CCNY: variants seen among roughly 807,000 people sequenced by gnomAD.
CCNY encodes the protein cyclin-Y.
A neutral mutation model predicts 42.8 loss-of-function variants in CCNY; 19 were observed. The observed-to-expected ratio is 0.44, with a 90% CI of 0.31 to 0.65. The LOEUF (loss-of-function observed/expected upper bound fraction) is 0.65. Among genes scored for constraint, CCNY ranks in the 30% least tolerant of loss-of-function variants. The pLI, the probability that CCNY is intolerant of heterozygous loss-of-function variation, is 0.07. For missense variants in CCNY, 370 were observed against 437.3 expected, an observed-to-expected ratio of 0.85 and a Z score of 1.37; for synonymous variants, 165 against 162.7, an observed-to-expected ratio of 1.01 and a Z score of -0.11.
chr10:35,519,776 C>CTTTTTTTTTTTTTTTTTTTTTT lies in CCNY; in HGVS notation c.365+3157_365+3178dup, dbSNP rs1177122335. On this transcript the variant is annotated intron_variant, in intron 4 of 9. Transcript: ENST00000374704. ...AAGTATCTTCTTTTTCTTTTCTTTTCTTTTTTTTTTTTTTTTTTTTTTTTT... is the reference window on the plus strand; with the variant it reads ...AAGTATCTTCTTTTTCTTTTCTTTTCTTTTTTTTTTTTTTTTTTTTTTTTTTTTTTTTTTTTTTTTTTTTTTT... Among the ~76,000 whole-genome samples, 75 of 74,662 alleles carry CTTTTTTTTTTTTTTTTTTTTTT rather than the reference C, an allele frequency of 1.0e-3. 2 individuals are homozygous for CTTTTTTTTTTTTTTTTTTTTTT. Among genetic ancestry groups the CTTTTTTTTTTTTTTTTTTTTTT allele is most frequent in the South Asian group, 1.7e-3 (3 of 1,762 alleles). 49.0% of individuals were successfully genotyped at this position (74,662 alleles called of 152,430 possible). A position where few individuals can be genotyped will look rare whatever the true frequency, so the allele number is the denominator to read the frequency against.
chr10:35,335,693 A>T (rs1413681089), upstream of CCNY, among the ~76,000 whole-genome samples: 3 of 152,062 alleles, frequency 2.0e-5, no homozygotes, highest in African/African-American at 7.3e-5. Context: ...TCTCTACAAA[A>T]AGTTAACACA....
In CCNY at chr10:35,450,312, G is replaced by C. The variant is rs1437823642; in HGVS notation, c.155-33092G>C. Among the ~76,000 whole-genome samples, 3 of 152,096 alleles carry C rather than the reference G, an allele frequency of 2.0e-5. No homozygotes were observed. The East Asian group carries it at 5.8e-4, about 29-fold the overall frequency. On this transcript the variant is annotated intron_variant, in intron 1 of 9. Transcript: ENST00000374704. ...GTCCTTTTGGTGACTTACAGGGAGA[G>C]GGTGGAGGTTAAGATTAAAACACCA...
Position 35,337,035 on chromosome 10 carries a change from A to G in CCNY, c.-19A>G, listed in dbSNP as rs1423128587. ...ACTGGGAGAACAGGATAGCAGCAGG[A>G]GTCGGGGGGCCGCCGAAGATGGGGA... On this transcript the variant is annotated 5_prime_UTR_variant, in exon 1 of 10. Coordinates refer to ENST00000374704, the MANE Select transcript of CCNY (RefSeq NM_145012.6). The G allele has an allele frequency of 1.9e-6, 3 of 1,544,350 alleles. No homozygotes were observed. The highest frequency in any genetic ancestry group is 1.7e-4 in the Middle Eastern group (1 of 5,846).
intron 3 of CCNY, among the ~76,000 whole-genome samples, chr10:35,257,185 CTCTT>C (rs2095716185): frequency 6.7e-6 from 1 of 149,986 alleles, no homozygotes; most frequent in Non-Finnish European, 1.5e-5. Context: ...TGGTAATTCT[CTCTT>C]TCTTTTCTTT....
chr10:35,344,732 C>A (rs1027675637), intron 1 of CCNY, among the ~76,000 whole-genome samples: 8 of 152,136 alleles, frequency 5.3e-5, no homozygotes, highest in Non-Finnish European at 7.4e-5. Context: ...CCACTCCCCC[C>A]ACCCGACAAC....
intron 1 of CCNY, among the ~76,000 whole-genome samples, chr10:35,469,678 G>C (rs1330529161): frequency 6.6e-6 from 1 of 151,532 alleles, no homozygotes; most frequent in Non-Finnish European, 1.5e-5. Context: ...GGGAGATGGA[G>C]AGACAGGGAG....
chr10:35,252,338 G>A (rs984335785), intron 3 of CCNY, among the ~76,000 whole-genome samples: 1 of 152,040 alleles, frequency 6.6e-6, no homozygotes, highest in Non-Finnish European at 1.5e-5. Flanking sequence ...GGCCGAGGTG[G>A]GCAGATGACG....
intron 1 of CCNY, among the ~76,000 whole-genome samples, chr10:35,409,226 C>T (rs965142713): frequency 3.3e-5 from 5 of 152,182 alleles, no homozygotes; most frequent in African/African-American, 9.7e-5. Context: ...AGGCAGGTCT[C>T]GCATCTGCCA....
chr10:35,316,554 CA>C (rs1324507931), intron 3 of CCNY: 1 of 152,034 alleles, frequency 6.6e-6, no homozygotes, highest in African/African-American at 2.4e-5. Flanking sequence ...GTGTTGTTGC[CA>C]AAATTGGGTG....
intron 3 of CCNY, among the ~76,000 whole-genome samples, chr10:35,309,219 C>T (rs1004093835): frequency 6.6e-6 from 1 of 152,106 alleles, no homozygotes; most frequent in African/African-American, 2.4e-5. Flanking sequence ...TGGATGGTTA[C>T]AGGAAAATCA....
chr10:35,351,134 T>G (rs1410273010), intron 1 of CCNY, among the ~76,000 whole-genome samples: 1 of 152,196 alleles, frequency 6.6e-6, no homozygotes, highest in African/African-American at 2.4e-5. Flanking sequence ...ACACTGCTAT[T>G]ACAGAGCTCA....
At chr10:35,309,243 A>G (rs1251455203) in intron 3 of CCNY, among the ~76,000 whole-genome samples, 1 of 152,178 alleles carries the variant, frequency 6.6e-6, no homozygotes, top group Non-Finnish European at 1.5e-5. Context: ...AAACAGAAAC[A>G]GTGTCTCAAG....
rs1050361343 is a variant in CCNY at position 35,482,010 on chromosome 10, G to A, written c.155-1394G>A. Among the ~76,000 whole-genome samples the A allele has an allele frequency of 1.6e-4, 24 of 152,312 alleles. 1 individual carries two copies. Among genetic ancestry groups the A allele is most frequent in the South Asian group, 8.3e-4 (4 of 4,832 alleles). On this transcript the variant is annotated intron_variant, in intron 1 of 9. Coordinates refer to ENST00000374704, the MANE Select transcript of CCNY (RefSeq NM_145012.6). ...AAGTTATATAATACAAGAAGGATCA[G>A]ATAATTGAAGTAGCATCTGTTTAAG...
intron 1 of CCNY, among the ~76,000 whole-genome samples, chr10:35,478,940 G>A (rs1839588586): frequency 6.6e-6 from 1 of 152,182 alleles, no homozygotes; most frequent in Admixed American, 6.5e-5. Flanking sequence ...CAAAAAGTGG[G>A]TGAAGGACAT....
intron 1 of CCNY, among the ~76,000 whole-genome samples, chr10:35,458,421 G>A (rs1839084587): frequency 6.6e-6 from 1 of 152,182 alleles, no homozygotes; most frequent in African/African-American, 2.4e-5. Flanking sequence ...TTATAGAAGA[G>A]GAATTTTAAT....
intron 1 of CCNY, among the ~76,000 whole-genome samples, chr10:35,390,328 C>G (rs1001951708): frequency 6.6e-6 from 1 of 152,158 alleles, no homozygotes; most frequent in African/African-American, 2.4e-5. Context: ...ATTTCCATCC[C>G]AGGATCAGGC....
chr10:35,543,870 G>C (rs1841056793), intron 7 of CCNY, among the ~76,000 whole-genome samples: 1 of 152,164 alleles, frequency 6.6e-6, no homozygotes, highest in Non-Finnish European at 1.5e-5. Flanking sequence ...TCCTCACTCT[G>C]TATAGGTCTA....
intron 2 of CCNY, among the ~76,000 whole-genome samples, chr10:35,249,712 T>A (rs1188428377): frequency 2.0e-5 from 3 of 151,796 alleles, no homozygotes; most frequent in Non-Finnish European, 2.9e-5. Flanking sequence ...CAGTAGGGAG[T>A]CCTTGCAGAA....
chr10:35,391,153 A>G (rs1837404503), intron 1 of CCNY, among the ~76,000 whole-genome samples: 1 of 152,250 alleles, frequency 6.6e-6, no homozygotes, highest in Admixed American at 6.5e-5. Flanking sequence ...TGCTCATTGC[A>G]GATGGAACAA....
Sources: gnomAD v4.1 joint callset for allele counts (sites outside exome capture counted in the v4.1 genomes callset) on GRCh38, gnomAD v4.1.1 for gene constraint, MANE v1.5 for transcripts, NCBI Gene and HGNC (gene_info 2026-07-23, HGNC 2026-07-21) for gene names.